The following EEFSEC variants were observed in gnomAD, a reference collection of about 807,000 sequenced individuals.
The protein encoded by EEFSEC is selenocysteine-specific elongation factor.
Under a neutral mutation model 42.1 loss-of-function variants are expected in EEFSEC, and 43 were observed. That is an observed-to-expected ratio of 1.02 (90% CI 0.80 to 1.32). EEFSEC has a LOEUF of 1.32. Among genes scored for constraint, EEFSEC ranks in the 40% most tolerant of loss-of-function variants. EEFSEC has a pLI of 0.00. For missense variants in EEFSEC, 745 were observed against 803.6 expected (o/e 0.93, Z 0.88); for synonymous variants, 354 against 339.1 (o/e 1.04, Z -0.48).
In EEFSEC at chr3:128,371,700, G is replaced by A. The variant is rs1361204860; in HGVS notation, c.1600+13327G>A. On this transcript the variant is annotated intron_variant, in intron 6 of 6. Coordinates refer to ENST00000254730, the MANE Select transcript of EEFSEC (RefSeq NM_021937.5). Reference sequence around the variant, plus strand: ...CCTGTTGGGGTGCAGAATGAGGAGGGTGATGTCCAGAATAGATTCTACCCC... The same window carrying A: ...CCTGTTGGGGTGCAGAATGAGGAGGATGATGTCCAGAATAGATTCTACCCC... Among the ~76,000 whole-genome samples, 3 of 152,180 alleles carry A rather than the reference G, an allele frequency of 2.0e-5. No homozygotes were observed. In the East Asian group the frequency reaches 5.8e-4, roughly 29 times the overall value.
At position 128,317,778 on chromosome 3, in the gene EEFSEC, C is replaced by T. The variant is rs2066963641; in HGVS notation, c.787-23455C>T. Reference sequence around the variant, plus strand: ...GACCAGTTGGGCCCTCTGCAGGCCTCAGGGCCTTTGCCCCCTTCAGCCTTC... The same window carrying T: ...GACCAGTTGGGCCCTCTGCAGGCCTTAGGGCCTTTGCCCCCTTCAGCCTTC... On this transcript the variant is annotated intron_variant, in intron 4 of 6. Coordinates refer to ENST00000254730, the MANE Select transcript of EEFSEC (RefSeq NM_021937.5). The surrounding 1 kb of genome is among the most constrained non-coding windows in gnomAD (Gnocchi z 4.1). 6.6e-6 allele frequency among the ~76,000 whole-genome samples: 1 copy of T among 152,264 alleles called. No individual in the cohort carries two copies. The highest frequency in any genetic ancestry group is 2.4e-5 in the African/African-American group (1 of 41,466).
chr3:128,339,181 C>A (rs182660518), intron 4 of EEFSEC, among the ~76,000 whole-genome samples: 358 of 152,296 alleles, frequency 2.4e-3, no homozygotes, highest in Non-Finnish European at 3.8e-3. Flanking sequence ...TTGGCTGTGG[C>A]TTTTGACACT....
chr3:128,425,932 C>A, the EEFSEC span, among the ~76,000 whole-genome samples: 1 of 151,984 alleles, frequency 6.6e-6, no homozygotes, highest in Admixed American at 6.5e-5. Context: ...AGGCGGGGGC[C>A]CAGCAGGTGC....
chr3:128,382,292 C>A (rs2067785353), intron 6 of EEFSEC, among the ~76,000 whole-genome samples: 1 of 152,230 alleles, frequency 6.6e-6, no homozygotes, highest in Non-Finnish European at 1.5e-5. Flanking sequence ...CCAGGGCAGA[C>A]ACGCTGTGCC....
At chr3:128,182,431 T>C (rs1273373217) in intron 1 of EEFSEC, among the ~76,000 whole-genome samples, 1 of 152,156 alleles carries the variant, frequency 6.6e-6, no homozygotes, top group African/African-American at 2.4e-5. Flanking sequence ...TGTTAAAGGA[T>C]ATGCAGAGAA....
At position 128,341,806 on chromosome 3, in the gene EEFSEC, C is replaced by T. The variant is rs774680437; in HGVS notation, c.1360C>T (p.Leu454=). The T allele has an allele frequency of 1.7e-5, 28 of 1,613,974 alleles. No individual in the cohort carries two copies. The highest frequency in any genetic ancestry group is 2.3e-5 in the Non-Finnish European group (27 of 1,180,052). Residue 454 remains leucine (L), a synonymous_variant, in exon 5 of 7, where the codon CTA becomes TTA. Coordinates refer to ENST00000254730, the MANE Select transcript of EEFSEC (RefSeq NM_021937.5). ...LAFHGILLHG[L]EDRNYADSFL... ...CTTCCATGGCATCCTGCTCCACGGG[C>T]TAGAGGACAGGAACTACGCCGACAG...
At chr3:128,393,986 C>T (rs960126981) in intron 6 of EEFSEC, among the ~76,000 whole-genome samples, 1 of 133,478 alleles carries the variant, frequency 7.5e-6, no homozygotes, top group African/African-American at 2.7e-5. Context: ...CATCAGAAAG[C>T]GTGTGGGCAT....
intron 5 of EEFSEC, among the ~76,000 whole-genome samples, chr3:128,352,739 G>C (rs2067403760): frequency 6.6e-6 from 1 of 152,218 alleles, no homozygotes; most frequent in African/African-American, 2.4e-5. Flanking sequence ...GCAGGCAGAG[G>C]CCAGACCAAC....
chr3:128,185,235 T>C (rs1387023338), intron 1 of EEFSEC, among the ~76,000 whole-genome samples: 1 of 152,198 alleles, frequency 6.6e-6, no homozygotes, highest in East Asian at 1.9e-4. Context: ...GGGTATTATA[T>C]AATGTATGAT....
intron 1 of EEFSEC, among the ~76,000 whole-genome samples, chr3:128,171,799 C>T (rs2065299045): frequency 6.7e-6 from 1 of 148,544 alleles, no homozygotes; most frequent in East Asian, 2.0e-4. Context: ...CCCTCCAAAT[C>T]TGTGGATTCA....
chr3:128,401,991 C>T (rs541392714), intron 6 of EEFSEC, among the ~76,000 whole-genome samples: 1 of 152,312 alleles, frequency 6.6e-6, no homozygotes, highest in Non-Finnish European at 1.5e-5. Context: ...CTGGCCCTCC[C>T]TCCCCTCCCC....
At chr3:128,412,784 G>A (rs2068182941), downstream of EEFSEC, among the ~76,000 whole-genome samples, 1 of 152,236 alleles carries the variant, frequency 6.6e-6, no homozygotes, top group African/African-American at 2.4e-5. Flanking sequence ...CTGGGAGTTG[G>A]GGCGGAGGCA....
intron 1 of EEFSEC, among the ~76,000 whole-genome samples, chr3:128,208,991 A>C (rs1396825782): frequency 6.6e-6 from 1 of 152,250 alleles, no homozygotes; most frequent in African/African-American, 2.4e-5. Context: ...TCTCAAAGAA[A>C]TGACATTTGA....
intron 1 of EEFSEC, among the ~76,000 whole-genome samples, chr3:128,199,858 C>T (rs182477046): frequency 0.013 from 1,906 of 152,094 alleles, 21 homozygotes; most frequent in Non-Finnish European, 0.019. Context: ...CTCAGCCTCC[C>T]GAGTAGCTGG....
At chr3:128,298,575 T>C (rs940622129) in intron 4 of EEFSEC, among the ~76,000 whole-genome samples, 5 of 152,218 alleles carry the variant, frequency 3.3e-5, no homozygotes, top group South Asian at 2.1e-4. Flanking sequence ...ACATTTGTCT[T>C]TTCTTTATAT....
At chr3:128,292,815 T>C (rs1044214720) in intron 4 of EEFSEC, among the ~76,000 whole-genome samples, 4 of 152,034 alleles carry the variant, frequency 2.6e-5, no homozygotes, top group African/African-American at 9.7e-5. Context: ...TTCTCCTCTT[T>C]ATTATTTCCT....
At chr3:128,301,586 G>T (rs533560235) in intron 4 of EEFSEC, among the ~76,000 whole-genome samples, 1 of 152,162 alleles carries the variant, frequency 6.6e-6, no homozygotes, top group Non-Finnish European at 1.5e-5. Context: ...CCTGCTAAAC[G>T]TACTCTCAGA....
At chr3:128,424,848 A>G in the EEFSEC span, among the ~76,000 whole-genome samples, 3 of 151,880 alleles carry the variant, frequency 2.0e-5, no homozygotes, top group East Asian at 5.8e-4. Flanking sequence ...CCCCACCCCA[A>G]TCTCCTCCCC....
the EEFSEC span, among the ~76,000 whole-genome samples, chr3:128,421,430 C>T: frequency 1.3e-5 from 2 of 152,308 alleles, no homozygotes; most frequent in South Asian, 4.1e-4. Context: ...CAGAGTGGGG[C>T]CTTCAAGGGG....
Sources: allele counts gnomAD v4.1 joint callset (sites outside exome capture counted in the v4.1 genomes callset), GRCh38; gene constraint gnomAD v4.1.1; non-coding constraint Gnocchi (gnomAD v3.1); transcripts MANE v1.5; gene names NCBI Gene and HGNC (gene_info 2026-07-23, HGNC 2026-07-21).